The following ACTR3C variants were observed in gnomAD, a reference collection of about 807,000 sequenced individuals.
ACTR3C encodes actin-related protein 3C.
Under a neutral mutation model 26.3 loss-of-function variants are expected in ACTR3C, and 18 were observed. That is an observed-to-expected ratio of 0.68 (90% confidence interval 0.47 to 1.01). The LOEUF is 1.01. Ranked by LOEUF, ACTR3C falls within the 50% of genes least tolerant of loss-of-function variation. ACTR3C has a pLI of 0.00. For missense variants in ACTR3C, 184 were observed against 250.7 expected (o/e 0.73, Z 1.80); for synonymous variants, 55 against 94.5 (o/e 0.58, Z 2.42).
At chr7:149,896,934 A>G in the ACTR3C span, among the ~76,000 whole-genome samples, 2,056 of 151,430 alleles carry the variant, frequency 0.014, 45 homozygotes, top group African/African-American at 0.048. Flanking sequence ...GGGGGCAGGC[A>G]CCTATAATCC....
chr7:150,308,949 C>T (rs577463859), intron 1 of ACTR3C, among the ~76,000 whole-genome samples: 1 of 152,306 alleles, frequency 6.6e-6, no homozygotes, highest in East Asian at 1.9e-4. Flanking sequence ...CAATATTTGA[C>T]TCAGTCCTAC....
At chr7:149,963,083 G>C in the ACTR3C span, among the ~76,000 whole-genome samples, 1 of 152,266 alleles carries the variant, frequency 6.6e-6, no homozygotes, top group Non-Finnish European at 1.5e-5. Context: ...CGTGGATGCA[G>C]CCTGTGAGAG....
At chr7:150,045,334 T>TAA in the ACTR3C span, among the ~76,000 whole-genome samples, 1 of 152,280 alleles carries the variant, frequency 6.6e-6, no homozygotes, top group Non-Finnish European at 1.5e-5. Context: ...GGAACTTTTC[T>TAA]AAGAAGAGTG....
chr7:150,036,819 T>G, the ACTR3C span, among the ~76,000 whole-genome samples: 1 of 134,378 alleles, frequency 7.4e-6, no homozygotes, highest in Non-Finnish European at 1.7e-5. Flanking sequence ...GTCCTCCAGG[T>G]GGGTCCTAAG....
chr7:149,892,952 C>G, the ACTR3C span, among the ~76,000 whole-genome samples: 2 of 151,218 alleles, frequency 1.3e-5, no homozygotes, highest in African/African-American at 4.8e-5. Flanking sequence ...GTACCATAAT[C>G]AAATAACTAT....
intron 6 of ACTR3C, among the ~76,000 whole-genome samples, chr7:150,267,979 A>G (rs1834170900): frequency 6.6e-6 from 1 of 152,296 alleles, no homozygotes; most frequent in Middle Eastern, 3.4e-3. Context: ...CTCTATATAA[A>G]TTATATCTCA....
chr7:150,256,802 A>G (rs536445319), intron 6 of ACTR3C, among the ~76,000 whole-genome samples: 1 of 152,378 alleles, frequency 6.6e-6, no homozygotes, highest in African/African-American at 2.4e-5. Flanking sequence ...GTGGGAGCAG[A>G]AAGCAAAAAC....
the ACTR3C span, among the ~76,000 whole-genome samples, chr7:150,042,111 C>G: frequency 2.0e-5 from 1 of 48,964 alleles, no homozygotes. Context: ...GGTGCCTCCC[C>G]CCTCTGCGAT....
At chr7:150,313,920 G>C (rs1475231560) in intron 1 of ACTR3C, among the ~76,000 whole-genome samples, 1 of 152,194 alleles carries the variant, frequency 6.6e-6, no homozygotes, top group Non-Finnish European at 1.5e-5. Flanking sequence ...AAGGGACTTG[G>C]GGACTGTGAA....
At chr7:150,002,381 G>C in the ACTR3C span, 1 of 152,370 alleles carries the variant, frequency 6.6e-6, no homozygotes, top group South Asian at 2.1e-4. Flanking sequence ...CCAAGTCCCA[G>C]TGACTATATC....
chr7:150,138,739 G>T, the ACTR3C span, among the ~76,000 whole-genome samples: 1 of 152,266 alleles, frequency 6.6e-6, no homozygotes, highest in Non-Finnish European at 1.5e-5. Flanking sequence ...GTGTGCTCTA[G>T]CACAGGGGTC....
chr7:149,925,534 A>C, the ACTR3C span, among the ~76,000 whole-genome samples: 14 of 152,178 alleles, frequency 9.2e-5, no homozygotes, highest in African/African-American at 3.1e-4. Flanking sequence ...AACACAACAC[A>C]ATACAAAATC....
chr7:150,169,012 G>A, the ACTR3C span, among the ~76,000 whole-genome samples: 2 of 150,534 alleles, frequency 1.3e-5, no homozygotes, highest in Non-Finnish European at 2.9e-5. Context: ...TTGGGAAGTG[G>A]GTCCTTTGGG....
the ACTR3C span, among the ~76,000 whole-genome samples, chr7:150,020,324 TGGAG>T: frequency 6.6e-6 from 1 of 152,132 alleles, no homozygotes; most frequent in Non-Finnish European, 1.5e-5. Flanking sequence ...AATTATTTCC[TGGAG>T]GGAGGAATCT....
At chr7:150,124,304 C>T in the ACTR3C span, among the ~76,000 whole-genome samples, 7 of 152,122 alleles carry the variant, frequency 4.6e-5, no homozygotes, top group Admixed American at 2.6e-4. Flanking sequence ...AGTGTTTAAA[C>T]GTACGAGTGC....
the ACTR3C span, among the ~76,000 whole-genome samples, chr7:150,112,390 ACACACGTCAC>A: frequency 6.6e-6 from 1 of 152,228 alleles, no homozygotes; most frequent in African/African-American, 2.4e-5. Flanking sequence ...ACACAGGCAC[ACACACGTCAC>A]CACACCTTAC....
chr7:150,034,360 A>G, the ACTR3C span, among the ~76,000 whole-genome samples: 1 of 151,632 alleles, frequency 6.6e-6, no homozygotes, highest in Admixed American at 6.6e-5. Flanking sequence ...GACGCATACA[A>G]TGGAAAAGGC....
chr7:149,993,315 G>A, the ACTR3C span, among the ~76,000 whole-genome samples: 105 of 152,216 alleles, frequency 6.9e-4, 3 homozygotes, highest in South Asian at 0.021. Context: ...ATTGGAGAGC[G>A]GGGAGCTGGC....
At chr7:150,315,720 A>G (rs1467361142) in intron 1 of ACTR3C, among the ~76,000 whole-genome samples, 1 of 152,190 alleles carries the variant, frequency 6.6e-6, no homozygotes, top group East Asian at 1.9e-4. Flanking sequence ...TCTTTTCCAG[A>G]GAGACTCTAG....
Sources: gnomAD v4.1 joint callset for allele counts (sites outside exome capture counted in the v4.1 genomes callset) on GRCh38, gnomAD v4.1.1 for gene constraint, MANE v1.5 for transcripts, NCBI Gene and HGNC (gene_info 2026-07-23, HGNC 2026-07-21) for gene names.